XPNPEP1: variants seen among roughly 807,000 people sequenced by gnomAD.
The protein encoded by XPNPEP1 is xaa-Pro aminopeptidase 1.
A neutral mutation model predicts 92.4 loss-of-function variants in XPNPEP1; 39 were observed. The ratio of observed to expected loss-of-function variants is 0.42; its 90% CI spans 0.33 to 0.55. XPNPEP1 has a LOEUF of 0.55. Ranked by LOEUF, XPNPEP1 falls within the 20% of genes least tolerant of loss-of-function variation. The pLI is 0.08. For missense variants in XPNPEP1, 654 were observed against 856.1 expected (o/e 0.76, Z 2.95); for synonymous variants, 307 against 299.4 (o/e 1.03, Z -0.26).
chr10:109,865,870 A>T (rs1847112548), intron 20 of XPNPEP1, among the ~76,000 whole-genome samples: 1 of 152,114 alleles, frequency 6.6e-6, no homozygotes, highest in Admixed American at 6.5e-5. Context: ...TAGTTTTCAG[A>T]CTCTCAACTC....
chr10:109,869,381 A>G (rs1335624328), intron 19 of XPNPEP1, among the ~76,000 whole-genome samples: 1 of 152,196 alleles, frequency 6.6e-6, no homozygotes, highest in African/African-American at 2.4e-5. Context: ...AAAACCCTGC[A>G]ACCTTGGTAA....
chr10:109,882,764 T>C, intron 9 of XPNPEP1, 122 bp from the exon 10 acceptor site: 1 of 980,460 alleles, frequency 1.0e-6, no homozygotes, highest in Non-Finnish European at 1.5e-6. Context: ...CCCTTTTCTC[T>C]CCTCCCCACT....
rs535718481 is a variant in XPNPEP1 at position 109,888,956 on chromosome 10, T to C, written c.416-361A>G. Among the ~76,000 whole-genome samples, 8 of 152,332 alleles carry C rather than the reference T, an allele frequency of 5.3e-5. No homozygotes were observed. In the South Asian group the frequency reaches 1.7e-3, roughly 32 times the overall value. On this transcript the variant is annotated intron_variant, in intron 5 of 20. Coordinates refer to ENST00000502935, the MANE Select transcript of XPNPEP1 (RefSeq NM_020383.4). Reference sequence around the variant, plus strand: ...CAGTCACTTCCCCACTACTGGTCACTTGATGAGAATTTGGGCAGTGATTTG... The same window carrying C: ...CAGTCACTTCCCCACTACTGGTCACCTGATGAGAATTTGGGCAGTGATTTG...
intron 8 of XPNPEP1, among the ~76,000 whole-genome samples, chr10:109,885,246 G>A (rs903663121): frequency 6.6e-6 from 1 of 152,178 alleles, no homozygotes; most frequent in Admixed American, 6.5e-5. Flanking sequence ...CCACATGATG[G>A]AGTATTTAAT....
intron 3 of XPNPEP1, among the ~76,000 whole-genome samples, chr10:109,900,117 G>C (rs1014567505): frequency 6.6e-6 from 1 of 152,212 alleles, no homozygotes; most frequent in Admixed American, 6.5e-5. Context: ...GCAGTGCCAA[G>C]TCCTTGCGTA....
In XPNPEP1 at chr10:109,877,862, T is replaced by G. The variant is rs1455141283; in HGVS notation, c.1247A>C (p.Gln416Pro). ...ADKAEEFRRQ[Q>P]ADFVDLSFPT... The stretch of plus-strand genomic sequence containing the variant: ...GAAGCTCAGGTCCACAAAGTCTGCC[T>G]GTTGCCTGTAACAGAAAGACAGAAA... The change falls in exon 14 of 21, where the codon CAG becomes CCG. Residue 416 changes from glutamine to proline, a missense_variant. By Grantham distance (76) the Gln-to-Pro change is moderately conservative (BLOSUM62 -1). Coordinates refer to ENST00000502935, the MANE Select transcript of XPNPEP1 (RefSeq NM_020383.4). 6.2e-7 allele frequency: 1 copy of G among 1,614,138 alleles called. No homozygotes were observed. Among genetic ancestry groups the G allele is most frequent in the Non-Finnish European group, 8.5e-7 (1 of 1,180,058 alleles).
chr10:109,921,434 A>T (rs752453431), intron 1 of XPNPEP1, among the ~76,000 whole-genome samples: 2 of 152,192 alleles, frequency 1.3e-5, no homozygotes, highest in Non-Finnish European at 2.9e-5. Context: ...ATCTTTGTAT[A>T]AGATGGTTAT....
At chr10:109,888,319 G>C (rs1459021856) in intron 6 of XPNPEP1, 127 bp from the exon 7 acceptor site, 6 of 1,370,044 alleles carry the variant, frequency 4.4e-6, no homozygotes, top group Non-Finnish European at 5.9e-6. Context: ...GGGTGTGCAG[G>C]ATGAGGAACT....
At position 109,868,709 on chromosome 10, in the gene XPNPEP1, T is replaced by C; in HGVS notation, c.1777A>G (p.Asn593Asp). The C allele has an allele frequency of 6.2e-7, 1 of 1,613,596 alleles. No homozygotes were observed. The highest frequency in any genetic ancestry group is 8.5e-7 in the Non-Finnish European group (1 of 1,179,518). ...VLVVPVKTKYNFNNRGSLTFE... is the reference protein window; with the variant it reads ...VLVVPVKTKYDFNNRGSLTFE... ...GTCAGGCTTCCCCGGTTATTAAAAT[T>C]ATACTGCGGGAGAAAGAAGAAAACA... Residue 593 changes from asparagine to aspartate, a missense_variant, in exon 20 of 21, where the codon AAT becomes GAT. Asn to Asp is a conservative substitution (Grantham distance 23). Coordinates refer to ENST00000502935, the MANE Select transcript of XPNPEP1 (RefSeq NM_020383.4).
chr10:109,911,817 T>A (rs1054671145), intron 2 of XPNPEP1, among the ~76,000 whole-genome samples: 3 of 152,186 alleles, frequency 2.0e-5, no homozygotes, highest in Non-Finnish European at 4.4e-5. Context: ...TCTTTCAAGA[T>A]CATTTATTTC....
chr10:109,869,881 T>C (rs1847353782), intron 19 of XPNPEP1, 72 bp downstream of exon 19: 17 of 1,475,290 alleles, frequency 1.2e-5, no homozygotes, highest in Middle Eastern at 1.7e-4. Flanking sequence ...GGCAGTATTG[T>C]AGCCAATGAG....
In XPNPEP1 at chr10:109,907,698, G is replaced by A; in HGVS notation, c.239C>T (p.Ala80Val). Reference sequence around the variant, plus strand: ...CCCATTGCCATGCAGTACCTGATGAGCATCTCCCGATGGGATGATGTAGGC... The same window carrying A: ...CCCATTGCCATGCAGTACCTGATGAACATCTCCCGATGGGATGATGTAGGC... ...IQAYIIPSGD[A>V]HQSEYIAPCD... Residue 80 changes from alanine to valine, a missense_variant, in exon 3 of 21, where the codon GCT becomes GTT. Ala to Val is a moderately conservative substitution (Grantham distance 64). Transcript: ENST00000502935. 1 of 1,614,216 alleles carries A rather than the reference G, an allele frequency of 6.2e-7. No individual in the cohort carries two copies. The highest frequency in any genetic ancestry group is 8.5e-7 in the Non-Finnish European group (1 of 1,180,036).
intron 12 of XPNPEP1, among the ~76,000 whole-genome samples, chr10:109,878,699 G>A (rs1847914941): frequency 6.6e-6 from 1 of 151,742 alleles, no homozygotes; most frequent in South Asian, 2.1e-4. Context: ...ATCAGCCTGG[G>A]CAACATGGCA....
intron 20 of XPNPEP1, among the ~76,000 whole-genome samples, chr10:109,868,282 G>C (rs939504502): frequency 6.6e-6 from 1 of 151,972 alleles, no homozygotes; most frequent in Non-Finnish European, 1.5e-5. Flanking sequence ...ACACACATAG[G>C]CTCATATTTG....
intron 12 of XPNPEP1, among the ~76,000 whole-genome samples, 183 bp downstream of exon 12, chr10:109,880,005 A>G (rs1271754197): frequency 3.9e-5 from 6 of 151,978 alleles, no homozygotes; most frequent in Non-Finnish European, 8.8e-5. Flanking sequence ...TTTCATAATT[A>G]AGGAATTTTG....
chr10:109,875,396 AG>A (rs1483319830), intron 15 of XPNPEP1, 131 bp downstream of exon 15: 4 of 695,970 alleles, frequency 5.7e-6, no homozygotes, highest in South Asian at 2.0e-5. Context: ...GACAAGACAC[AG>A]GAACGATTCC....
chr10:109,898,607 G>A (rs1849109788), intron 3 of XPNPEP1, among the ~76,000 whole-genome samples: 1 of 152,224 alleles, frequency 6.6e-6, no homozygotes, highest in African/African-American at 2.4e-5. Flanking sequence ...AGAGGCAAGA[G>A]GCCTGTCATG....
intron 11 of XPNPEP1, 33 bp downstream of exon 11, chr10:109,880,809 C>T (rs989708788): frequency 6.2e-7 from 1 of 1,607,762 alleles, no homozygotes. Flanking sequence ...GACCACCTCA[C>T]ATCCCATCTT....
intron 3 of XPNPEP1, among the ~76,000 whole-genome samples, chr10:109,895,458 T>A (rs896561212): frequency 6.6e-6 from 1 of 152,208 alleles, no homozygotes; most frequent in East Asian, 1.9e-4. Context: ...CAAATGGACA[T>A]GTTTAGTTTG....
Sources: allele counts gnomAD v4.1 joint callset (sites outside exome capture counted in the v4.1 genomes callset), GRCh38; gene constraint gnomAD v4.1.1; transcripts MANE v1.5; gene names NCBI Gene and HGNC (gene_info 2026-07-23, HGNC 2026-07-21).